ATP11B: variants seen among roughly 807,000 people sequenced by gnomAD.
ATP11B encodes the protein phospholipid-transporting ATPase IF.
In ATP11B, 81 loss-of-function variants were observed where a neutral mutation model predicts 157.8. That is an observed-to-expected ratio of 0.51 (90% confidence interval 0.43 to 0.62). The LOEUF is 0.62. Ranked by LOEUF, ATP11B falls within the 20% of genes least tolerant of loss-of-function variation. ATP11B has a pLI of 0.00. For missense variants in ATP11B, 1,165 were observed against 1,402.2 expected (o/e 0.83, Z 2.70); for synonymous variants, 451 against 469.4 (o/e 0.96, Z 0.51).
At chr3:182,902,339 T>C (rs757466301) in intron 28 of ATP11B, 5 of 245,266 alleles carry the variant, frequency 2.0e-5, no homozygotes, top group African/African-American at 4.5e-5. Context: ...CAAATGTTAG[T>C]CATGTATGTG....
chr3:182,842,219 C>T, intron 8 of ATP11B, 97 bp downstream of exon 8: 1 of 849,566 alleles, frequency 1.2e-6, no homozygotes, highest in South Asian at 1.5e-5. Flanking sequence ...ATAAGCAGCC[C>T]ATCATGGGAA....
At chr3:182,857,294 C>G (rs746977503) in intron 10 of ATP11B, among the ~76,000 whole-genome samples, 1 of 152,078 alleles carries the variant, frequency 6.6e-6, no homozygotes, top group Non-Finnish European at 1.5e-5. Context: ...TACAGGCGCC[C>G]GTCACCACGC....
At chr3:182,840,761 A>G (rs1211372215) in intron 7 of ATP11B, among the ~76,000 whole-genome samples, 1 of 152,168 alleles carries the variant, frequency 6.6e-6, no homozygotes, top group Non-Finnish European at 1.5e-5. Context: ...TTACCTTCAA[A>G]ATACATCCAA....
intron 21 of ATP11B, among the ~76,000 whole-genome samples, chr3:182,883,322 A>G (rs1471686246): frequency 2.0e-5 from 3 of 151,776 alleles, no homozygotes; most frequent in African/African-American, 7.3e-5. Context: ...CAATGGCTCA[A>G]TCTCGGCTCA....
In ATP11B at chr3:182,897,370, A is replaced by AT. The variant is rs1338607821; in HGVS notation, c.3120dup (p.Val1041CysfsTer47). 1 of 1,589,152 alleles carries AT rather than the reference A, an allele frequency of 6.3e-7. No individual in the cohort carries two copies. The highest frequency in any genetic ancestry group is 8.5e-7 in the Non-Finnish European group (1 of 1,172,410). ...GTTACCTGGGGATCTATTATATTTTATTTTGTATTTTCCTTGTTTTATGGA... is the reference window on the plus strand; with the variant it reads ...GTTACCTGGGGATCTATTATATTTTATTTTTGTATTTTCCTTGTTTTATGGA... On this transcript the variant is annotated frameshift_variant, in exon 27 of 30. Coordinates refer to ENST00000323116, the MANE Select transcript of ATP11B (RefSeq NM_014616.3). LOFTEE classifies it high-confidence loss of function.
At chr3:182,835,083 TG>T (rs1718444416) in intron 4 of ATP11B, among the ~76,000 whole-genome samples, 1 of 152,070 alleles carries the variant, frequency 6.6e-6, no homozygotes. Context: ...TTGAGCAGAC[TG>T]AGGAGGAAGA....
At chr3:182,834,862 A>G (rs1279487694) in intron 4 of ATP11B, among the ~76,000 whole-genome samples, 1 of 152,246 alleles carries the variant, frequency 6.6e-6, no homozygotes, top group East Asian at 1.9e-4. Context: ...AAACTTAACT[A>G]CTGATAGTCT....
At chr3:182,881,234 G>A (rs1722402487) in intron 21 of ATP11B, among the ~76,000 whole-genome samples, 1 of 152,142 alleles carries the variant, frequency 6.6e-6, no homozygotes, top group Non-Finnish European at 1.5e-5. Context: ...AGAAGTTCGA[G>A]ACCAACCTGA....
chr3:182,810,869 T>G (rs1716622282), intron 1 of ATP11B, among the ~76,000 whole-genome samples: 1 of 152,220 alleles, frequency 6.6e-6, no homozygotes, highest in Non-Finnish European at 1.5e-5. Context: ...CTCAACGCTG[T>G]CAGACATATT....
At chr3:182,875,980 C>T (rs1722013500) in intron 19 of ATP11B, among the ~76,000 whole-genome samples, 1 of 152,094 alleles carries the variant, frequency 6.6e-6, no homozygotes, top group Admixed American at 6.6e-5. Flanking sequence ...GGCACAGTAG[C>T]TCATGCCTGT....
chr3:182,805,424 T>A (rs1716265449), intron 1 of ATP11B, among the ~76,000 whole-genome samples: 1 of 152,110 alleles, frequency 6.6e-6, no homozygotes, highest in Admixed American at 6.6e-5. Flanking sequence ...GTGTATCATT[T>A]TTGGAGAAAT....
At position 182,845,330 on chromosome 3, in the gene ATP11B, G is replaced by C. The variant is rs1415115631; in HGVS notation, c.705-128G>C. ...CCCCTGGGCAGCTTTATAGTAGCTG[G>C]GATTTTGGTTTTATATGAAAGTGGT... On this transcript the variant is annotated intron_variant, in intron 8 of 29. Transcript: ENST00000323116. 7 of 734,340 alleles carry C rather than the reference G, an allele frequency of 9.5e-6. No homozygotes were observed. The Admixed American group carries it at 2.2e-4, about 23-fold the overall frequency. The allele number at this position is 734,340 out of a possible 1,614,324, so 45.5% of individuals were successfully genotyped here.
intron 28 of ATP11B, among the ~76,000 whole-genome samples, chr3:182,905,006 A>G (rs935523526): frequency 3.9e-5 from 6 of 152,134 alleles, no homozygotes; most frequent in African/African-American, 1.4e-4. Flanking sequence ...GTTATAGGCA[A>G]AGCTATTAAG....
intron 1 of ATP11B, among the ~76,000 whole-genome samples, chr3:182,816,187 T>C (rs1716960394): frequency 6.6e-6 from 1 of 152,190 alleles, no homozygotes; most frequent in African/African-American, 2.4e-5. Flanking sequence ...TTTTTAAGAA[T>C]ATGATAGCTT....
chr3:182,837,207 G>C, intron 7 of ATP11B, 33 bp downstream of exon 7: 1 of 1,448,032 alleles, frequency 6.9e-7, no homozygotes, highest in Non-Finnish European at 9.6e-7. Flanking sequence ...CTTATTTTAA[G>C]TCCTATTTAC....
chr3:182,804,380 G>C (rs933911947), intron 1 of ATP11B, among the ~76,000 whole-genome samples: 2 of 151,674 alleles, frequency 1.3e-5, no homozygotes, highest in Non-Finnish European at 2.9e-5. Flanking sequence ...CGAGTAGCTG[G>C]GACTACAGGC....
At chr3:182,879,963 AATT>A (rs1232897260) in intron 20 of ATP11B, among the ~76,000 whole-genome samples, 1 of 152,218 alleles carries the variant, frequency 6.6e-6, no homozygotes, top group Non-Finnish European at 1.5e-5. Context: ...AGGAGACATC[AATT>A]ATTTGCACCT....
intron 28 of ATP11B, among the ~76,000 whole-genome samples, chr3:182,906,815 A>G (rs1286329749): frequency 1.3e-5 from 2 of 149,994 alleles, no homozygotes; most frequent in South Asian, 2.2e-4. Context: ...AAGGCCGGGC[A>G]TGGTGGCTCA....
chr3:182,886,549 A>T (rs1195364275), intron 23 of ATP11B, among the ~76,000 whole-genome samples: 2 of 152,182 alleles, frequency 1.3e-5, no homozygotes, highest in Non-Finnish European at 2.9e-5. Context: ...AATGGGCACA[A>T]GGTGGGTCTT....
Sources: allele counts gnomAD v4.1 joint callset (sites outside exome capture counted in the v4.1 genomes callset), GRCh38; gene constraint gnomAD v4.1.1; transcripts MANE v1.5; gene names NCBI Gene and HGNC (gene_info 2026-07-23, HGNC 2026-07-21).